The following FAM47E variants were observed in gnomAD, a reference collection of about 807,000 sequenced individuals.
The protein encoded by FAM47E is family with sequence similarity 47 member E, also known as protein FAM47E.
FAM47E carries 32 observed loss-of-function variants against 41.6 expected under a neutral mutation model. The observed-to-expected ratio is 0.77, with a 90% CI of 0.58 to 1.03. FAM47E has a LOEUF of 1.03. Ranked by LOEUF, FAM47E falls within the 50% of genes least tolerant of loss-of-function variation. The pLI, the probability that FAM47E is intolerant of heterozygous loss-of-function variation, is 0.00. For synonymous variants in FAM47E, 184 were observed against 188.7 expected (o/e 0.98, Z 0.20); for missense variants, 424 against 485.4 (o/e 0.87, Z 1.19).
chr4:76,238,739 ACAATTTTT>A (rs2109990031), intron 2 of FAM47E, among the ~76,000 whole-genome samples: 1 of 152,284 alleles, frequency 6.6e-6, no homozygotes, highest in Admixed American at 6.5e-5. Flanking sequence ...TTTATTTACC[ACAATTTTT>A]AATTGTGGTA....
intron 6 of FAM47E, chr4:76,279,582 T>C (rs1370227030): frequency 6.6e-6 from 1 of 152,210 alleles, no homozygotes; most frequent in Non-Finnish European, 1.5e-5. Flanking sequence ...TGTTCTACAA[T>C]AATTTTTATA....
At position 76,256,533 on chromosome 4, in the gene FAM47E, C is replaced by A. The variant is rs538563053; in HGVS notation, c.420+10C>A. The stretch of plus-strand genomic sequence containing the variant: ...AGCTATGCCCATAGAGGTGATGTGT[C>A]CTAGGGTTTGTGGGAGGGGCTTCAC... On this transcript the variant is annotated intron_variant, in intron 2 of 7. Transcript: ENST00000424749. 5 of 1,525,778 alleles carry A rather than the reference C, an allele frequency of 3.3e-6. No individual in the cohort carries two copies. Among genetic ancestry groups the A allele is most frequent in the Non-Finnish European group, 4.4e-6 (5 of 1,129,586 alleles). The allele number at this position is 1,525,778 out of a possible 1,614,324, so 94.5% of individuals were successfully genotyped here.
upstream of FAM47E, among the ~76,000 whole-genome samples, chr4:76,251,518 C>A (rs1330594942): frequency 6.6e-6 from 1 of 152,188 alleles, no homozygotes; most frequent in African/African-American, 2.4e-5. Context: ...GCCTTCCCAG[C>A]AGAGTAAAAC....
intron 2 of FAM47E, 117 bp from the exon 3 acceptor site, chr4:76,263,587 A>G: frequency 5.5e-6 from 7 of 1,272,898 alleles, no homozygotes; most frequent in Non-Finnish European, 7.5e-6. Flanking sequence ...GTTGGTGAAC[A>G]GCACTGATGG....
At chr4:76,264,241 A>G (rs1483141452) in intron 3 of FAM47E, among the ~76,000 whole-genome samples, 1 of 152,102 alleles carries the variant, frequency 6.6e-6, no homozygotes, top group African/African-American at 2.4e-5. Flanking sequence ...AGAAATGTCA[A>G]GGCTGGAGGG....
In FAM47E at chr4:76,238,675, G is replaced by C. The variant is rs566332352; in HGVS notation, c.81+20987G>C. On this transcript the variant is annotated intron_variant, in intron 2 of 7. Coordinates refer to the FAM47E transcript ENST00000510197. ...GAGAGATGTGATGGGAAGGAGAATAGGAGGGTGCTTAGTCATGTTAGGTAC... is the reference window on the plus strand; with the variant it reads ...GAGAGATGTGATGGGAAGGAGAATACGAGGGTGCTTAGTCATGTTAGGTAC... Among the ~76,000 whole-genome samples the C allele has an allele frequency of 2.0e-5, 3 of 152,278 alleles. No individual in the cohort carries two copies. In the South Asian group the frequency reaches 6.2e-4, roughly 32 times the overall value.
In FAM47E at chr4:76,246,133, G is replaced by C. The variant is rs72858593; in HGVS notation, c.82-17571G>C. 9.5e-3 allele frequency among the ~76,000 whole-genome samples: 1,451 copies of C among 152,300 alleles called. 35 individuals are homozygous for C. The highest frequency in any genetic ancestry group is 0.033 in the African/African-American group (1,379 of 41,536). On this transcript the variant is annotated intron_variant, in intron 2 of 7. Coordinates refer to the FAM47E transcript ENST00000510197. ...GAGAAGGTTGACAGTAAGCTGGTAAGCAAGGTTTAGGACTATAATGGTTGT... is the reference window on the plus strand; with the variant it reads ...GAGAAGGTTGACAGTAAGCTGGTAACCAAGGTTTAGGACTATAATGGTTGT...
chr4:76,246,588 A>G (rs570150738), intron 2 of FAM47E, among the ~76,000 whole-genome samples: 2 of 152,212 alleles, frequency 1.3e-5, no homozygotes, highest in African/African-American at 4.8e-5. Context: ...TCTGATGTGT[A>G]TAGCTCATTA....
At chr4:76,263,934 C>G in intron 3 of FAM47E, 91 bp downstream of exon 3, 4 of 1,464,772 alleles carry the variant, frequency 2.7e-6, no homozygotes, top group Non-Finnish European at 3.6e-6. Flanking sequence ...CTTTAGAATA[C>G]TTCTAATGAA....
At chr4:76,215,941 CAGT>C (rs1431700443) in intron 1 of FAM47E, among the ~76,000 whole-genome samples, 1 of 152,168 alleles carries the variant, frequency 6.6e-6, no homozygotes, top group African/African-American at 2.4e-5. Flanking sequence ...GTAGGTTACT[CAGT>C]AGATAACTGG....
intron 3 of FAM47E, chr4:76,267,536 T>C (rs1478664599): frequency 6.6e-6 from 1 of 152,182 alleles, no homozygotes; most frequent in Non-Finnish European, 1.5e-5. Context: ...TAAGTCTTTA[T>C]TGGAGGAATA....
At chr4:76,277,629 CTGAG>C (rs1159055746) in intron 5 of FAM47E, among the ~76,000 whole-genome samples, 1 of 151,994 alleles carries the variant, frequency 6.6e-6, no homozygotes, top group Non-Finnish European at 1.5e-5. Flanking sequence ...TTTTGGTTGA[CTGAG>C]TATTGTTCAA....
At chr4:76,219,991 G>A (rs1264891414) in intron 2 of FAM47E, among the ~76,000 whole-genome samples, 1 of 152,116 alleles carries the variant, frequency 6.6e-6, no homozygotes, top group African/African-American at 2.4e-5. Flanking sequence ...AATGAAAAAC[G>A]TTTCAGAATA....
At chr4:76,267,061 A>C (rs774307383) in intron 3 of FAM47E, among the ~76,000 whole-genome samples, 3 of 152,178 alleles carry the variant, frequency 2.0e-5, no homozygotes, top group Non-Finnish European at 4.4e-5. Context: ...TATAACTTAT[A>C]ATCACCCGGC....
chr4:76,226,376 GTTC>G (rs1282188941), intron 2 of FAM47E, among the ~76,000 whole-genome samples: 2 of 152,204 alleles, frequency 1.3e-5, no homozygotes, highest in African/African-American at 4.8e-5. Context: ...TGGAGAACAG[GTTC>G]TTCTAATTCA....
At chr4:76,233,802 G>A (rs1024143593) in intron 2 of FAM47E, among the ~76,000 whole-genome samples, 18 of 152,234 alleles carry the variant, frequency 1.2e-4, no homozygotes, top group Non-Finnish European at 2.9e-5. Context: ...TGTAAAACCA[G>A]ATGAAGGCTT....
intron 1 of FAM47E, among the ~76,000 whole-genome samples, chr4:76,253,572 G>C (rs1039415628): frequency 3.9e-5 from 6 of 152,078 alleles, no homozygotes; most frequent in African/African-American, 1.5e-4. Flanking sequence ...GAGGCCATGT[G>C]GGGGAGAGGA....
chr4:76,241,341 G>A (rs1193280909), intron 2 of FAM47E, among the ~76,000 whole-genome samples: 1 of 152,188 alleles, frequency 6.6e-6, no homozygotes, highest in East Asian at 1.9e-4. Context: ...TCAGCCAGAG[G>A]AGGTGGAGTT....
At position 76,256,669 on chromosome 4, in the gene FAM47E, C is replaced by T. The variant is rs574472581; in HGVS notation, c.420+146C>T. ...CCCCCAGGATGCGAGTTCTTATGGG[C>T]CTCAGAGCAGCCTTCTGTCCTCTGT... is the stretch of plus-strand genomic sequence containing the variant. On this transcript the variant is annotated intron_variant, in intron 2 of 7. Coordinates refer to ENST00000424749, the MANE Select transcript of FAM47E (RefSeq NM_001136570.3). 4,781 of 968,404 alleles carry T rather than the reference C, an allele frequency of 4.9e-3. 25 individuals are homozygous for T. The highest frequency in any genetic ancestry group is 6.6e-3 in the Non-Finnish European group (4,416 of 673,810). 60.0% of individuals were successfully genotyped at this position (968,404 alleles called of 1,614,324 possible).
Sources: gnomAD v4.1 joint callset for allele counts (sites outside exome capture counted in the v4.1 genomes callset) on GRCh38, gnomAD v4.1.1 for gene constraint, MANE v1.5 for transcripts, NCBI Gene and HGNC (gene_info 2026-07-23, HGNC 2026-07-21) for gene names.